Variants in TUSC3 observed in about 807,000 individuals in gnomAD.
TUSC3 encodes dolichyl-diphosphooligosaccharide--protein glycosyltransferase subunit TUSC3.
TUSC3 carries 45 observed loss-of-function variants against 44.8 expected under a neutral mutation model. The ratio of observed to expected loss-of-function variants is 1.00; its 90% CI spans 0.79 to 1.29. TUSC3 has a LOEUF of 1.29. Among genes scored for constraint, TUSC3 ranks in the 50% most tolerant of loss-of-function variants. The pLI is 0.00. For missense variants in TUSC3, 519 were observed against 437.9 expected (o/e 1.19, Z -1.65); for synonymous variants, 212 against 152.9 (o/e 1.39, Z -2.85).
upstream of TUSC3, among the ~76,000 whole-genome samples, chr8:15,536,681 CAAAAAAAAAAAAAAAAAAAAAAAAAAA>C (rs570573410): frequency 1.5e-4 from 7 of 45,568 alleles, no homozygotes; most frequent in Non-Finnish European, 1.7e-4. Context: ...GATTCCGTCT[CAAAAAAAAAAAAAAAAAAAAAAAAAAA>C]AAAAAAAAAA....
Position 15,597,588 on chromosome 8 carries a change from AAC to A in TUSC3, c.139-25490_139-25489del, listed in dbSNP as rs201743632. 6.4e-4 allele frequency among the ~76,000 whole-genome samples: 98 copies of A among 152,208 alleles called. 1 individual carries two copies. The East Asian group carries it at 0.017, about 27-fold the overall frequency. ...AAATATGAATAACATCTAAAATACT[AAC>A]AACATCTAAAATACTAGTTGTATAA... On this transcript the variant is annotated intron_variant, in intron 1 of 10. Transcript: ENST00000503731.
chr8:15,835,857 G>GAAGTA, the TUSC3 span, among the ~76,000 whole-genome samples: 88,337 of 151,214 alleles, frequency 0.58, 27,424 homozygotes, highest in Non-Finnish European at 0.71. Context: ...TGGACTGAAA[G>GAAGTA]AATTATAATT....
At chr8:15,772,008 G>A in the TUSC3 span, among the ~76,000 whole-genome samples, 2 of 152,070 alleles carry the variant, frequency 1.3e-5, no homozygotes, top group African/African-American at 4.8e-5. Context: ...AGAATGGCGT[G>A]AACCCAGGAG....
intron 9 of TUSC3, 129 bp from the exon 10 acceptor site, chr8:15,757,662 G>A (rs571190711): frequency 6.1e-5 from 72 of 1,189,352 alleles, no homozygotes; most frequent in Admixed American, 1.1e-4. Flanking sequence ...AGGCACCATC[G>A]TCTATCCCCT....
At chr8:15,802,534 G>A in the TUSC3 span, among the ~76,000 whole-genome samples, 1 of 152,060 alleles carries the variant, frequency 6.6e-6, no homozygotes, top group Admixed American at 6.5e-5. Flanking sequence ...TGATTCTCCT[G>A]CCTCAGCCTC....
chr8:15,683,099 C>G (rs1173339352), intron 6 of TUSC3, among the ~76,000 whole-genome samples: 3 of 152,084 alleles, frequency 2.0e-5, no homozygotes, highest in Admixed American at 6.6e-5. Flanking sequence ...TTTGCGTTGA[C>G]CTTGGAAAGG....
intron 1 of TUSC3, among the ~76,000 whole-genome samples, chr8:15,580,862 C>A (rs1295307064): frequency 1.4e-5 from 2 of 143,336 alleles, no homozygotes; most frequent in South Asian, 4.5e-4. Context: ...TGAACGTTGG[C>A]CTGCCTTGCT....
intron 1 of TUSC3, among the ~76,000 whole-genome samples, chr8:15,452,926 T>C (rs1471392250): frequency 4.6e-5 from 7 of 152,084 alleles, no homozygotes; most frequent in Non-Finnish European, 8.8e-5. Context: ...TTACCTACAA[T>C]TGTCTTGGTA....
chr8:15,552,085 C>G (rs1802079204), intron 1 of TUSC3, among the ~76,000 whole-genome samples: 1 of 151,568 alleles, frequency 6.6e-6, no homozygotes, highest in Admixed American at 6.6e-5. Context: ...ATGTTTGATT[C>G]CTGTTTGGGT....
At chr8:15,845,771 T>C in the TUSC3 span, among the ~76,000 whole-genome samples, 2 of 152,208 alleles carry the variant, frequency 1.3e-5, no homozygotes, top group African/African-American at 4.8e-5. Context: ...TATTTCACTA[T>C]AGCTACGTGT....
chr8:15,549,388 G>C (rs1356256574), intron 1 of TUSC3, among the ~76,000 whole-genome samples: 2 of 151,444 alleles, frequency 1.3e-5, no homozygotes, highest in Non-Finnish European at 3.0e-5. Flanking sequence ...TGATCAGGCT[G>C]GTCTCAAACT....
intron 1 of TUSC3, among the ~76,000 whole-genome samples, chr8:15,570,306 T>G (rs978912542): frequency 1.5e-5 from 2 of 133,256 alleles, no homozygotes; most frequent in Admixed American, 7.5e-5. Context: ...ACACACACTC[T>G]TACTGAAACA....
At chr8:15,740,982 CAT>C in intron 7 of TUSC3, among the ~76,000 whole-genome samples, 1 of 152,236 alleles carries the variant, frequency 6.6e-6, no homozygotes, top group East Asian at 1.9e-4. Context: ...AAATGAGAAA[CAT>C]GTTACTCATA....
chr8:15,512,887 C>T (rs1326522210), intron 2 of TUSC3, among the ~76,000 whole-genome samples: 11 of 81,044 alleles, frequency 1.4e-4, no homozygotes, highest in South Asian at 1.0e-3. Context: ...TATATATATA[C>T]ACACAATTCT....
chr8:15,686,195 G>A (rs1377976278), intron 6 of TUSC3, among the ~76,000 whole-genome samples: 1 of 151,904 alleles, frequency 6.6e-6, no homozygotes, highest in Non-Finnish European at 1.5e-5. Flanking sequence ...TGGTTACATA[G>A]GACATAAAAA....
intron 6 of TUSC3, chr8:15,689,451 G>T (rs779641425): frequency 1.1e-4 from 18 of 168,582 alleles, no homozygotes; most frequent in Admixed American, 2.0e-4. Context: ...CTCTTGCAGT[G>T]CCAAGAAGGC....
intron 6 of TUSC3, among the ~76,000 whole-genome samples, chr8:15,710,813 A>G (rs1471104975): frequency 2.0e-5 from 3 of 148,084 alleles, no homozygotes; most frequent in East Asian, 3.9e-4. Context: ...ATATATTTGC[A>G]TGAAGTGAAT....
chr8:15,627,996 AGGATCCCGTAACATTAAG>A (rs576125449), intron 2 of TUSC3, among the ~76,000 whole-genome samples: 5 of 152,320 alleles, frequency 3.3e-5, no homozygotes, highest in African/African-American at 7.2e-5. Flanking sequence ...CGACACCCCA[AGGATCCCGTAACATTAAG>A]GGATGCTATA....
chr8:15,719,072 A>G (rs1433854453), intron 6 of TUSC3, among the ~76,000 whole-genome samples: 5 of 152,092 alleles, frequency 3.3e-5, no homozygotes, highest in African/African-American at 1.2e-4. Flanking sequence ...GGATTACTGT[A>G]GTAAACTTTC....
Sources: allele counts gnomAD v4.1 joint callset (sites outside exome capture counted in the v4.1 genomes callset), GRCh38; gene constraint gnomAD v4.1.1; transcripts MANE v1.5; gene names NCBI Gene and HGNC (gene_info 2026-07-23, HGNC 2026-07-21).